The following TCERG1L variants were observed in gnomAD, a reference collection of about 807,000 sequenced individuals.
TCERG1L encodes the protein transcription elongation regulator 1-like protein.
Under a neutral mutation model 56.3 loss-of-function variants are expected in TCERG1L, and 37 were observed. That is an observed-to-expected ratio of 0.66 (90% confidence interval 0.51 to 0.87). The LOEUF (loss-of-function observed/expected upper bound fraction) is 0.87, where lower values mean the gene tolerates loss of function less well. Among genes scored for constraint, TCERG1L ranks in the 40% least tolerant of loss-of-function variants. The pLI, the probability that TCERG1L is intolerant of heterozygous loss-of-function variation, is 0.00. For missense variants in TCERG1L, 799 were observed against 774.2 expected (o/e 1.03, Z -0.38); for synonymous variants, 324 against 326.3 (o/e 0.99, Z 0.08).
At chr10:131,246,079 C>A (rs1050279830) in intron 4 of TCERG1L, among the ~76,000 whole-genome samples, 1 of 152,188 alleles carries the variant, frequency 6.6e-6, no homozygotes, top group East Asian at 1.9e-4. Context: ...TTCACGAGAG[C>A]CACAGCCTTG....
chr10:131,258,744 C>G (rs188445495), intron 4 of TCERG1L, among the ~76,000 whole-genome samples: 1 of 152,108 alleles, frequency 6.6e-6, no homozygotes, highest in Admixed American at 6.5e-5. Flanking sequence ...TAACTGAACA[C>G]GCATTATTGC....
At chr10:131,128,686 GGTGA>G (rs1239317554) in intron 8 of TCERG1L, among the ~76,000 whole-genome samples, 18 of 152,096 alleles carry the variant, frequency 1.2e-4, no homozygotes, top group African/African-American at 4.1e-4. Flanking sequence ...AGTTTATGAG[GGTGA>G]GTTTCTCTTT....
chr10:131,257,327 G>T (rs1466150162), intron 4 of TCERG1L, among the ~76,000 whole-genome samples: 2 of 152,164 alleles, frequency 1.3e-5, no homozygotes, highest in Non-Finnish European at 2.9e-5. Context: ...CAGCCTTCCC[G>T]CCCGTGCTGA....
At position 131,112,803 on chromosome 10, in the gene TCERG1L, G is replaced by A. The variant is rs777884657; in HGVS notation, c.1395+3996C>T. Among the ~76,000 whole-genome samples the A allele has an allele frequency of 7.7e-5, 11 of 142,728 alleles. 1 individual carries two copies. Among genetic ancestry groups the A allele is most frequent in the Non-Finnish European group, 1.7e-4 (11 of 63,384 alleles). The allele number at this position is 142,728 out of a possible 152,430, so 93.6% of individuals were successfully genotyped here. A position where few individuals can be genotyped will look rare whatever the true frequency, so the allele number is the denominator to read the frequency against. On this transcript the variant is annotated intron_variant, in intron 9 of 11. Coordinates refer to ENST00000368642, the MANE Select transcript of TCERG1L (RefSeq NM_174937.4). ...AGGAGACGAGCTAGTAATGGAGGGT[G>A]GGCCGTGGGGTGAGGAAGGTGCCCA...
At chr10:131,130,442 C>T (rs1008796540) in intron 8 of TCERG1L, among the ~76,000 whole-genome samples, 5 of 152,198 alleles carry the variant, frequency 3.3e-5, no homozygotes, top group African/African-American at 1.2e-4. Flanking sequence ...AGGAAAATCA[C>T]GTCACCTGTG....
intron 4 of TCERG1L, among the ~76,000 whole-genome samples, chr10:131,242,929 G>C (rs1214952118): frequency 6.6e-6 from 1 of 152,186 alleles, no homozygotes; most frequent in Non-Finnish European, 1.5e-5. Flanking sequence ...TTAACTGACA[G>C]AAGTTAGGAC....
At chr10:131,247,382 C>T (rs1846051334) in intron 4 of TCERG1L, among the ~76,000 whole-genome samples, 1 of 152,212 alleles carries the variant, frequency 6.6e-6, no homozygotes, top group Non-Finnish European at 1.5e-5. Context: ...TTCTGAAACA[C>T]GCATATGTAG....
At chr10:131,187,305 T>C (rs1387218328) in intron 4 of TCERG1L, among the ~76,000 whole-genome samples, 2 of 152,190 alleles carry the variant, frequency 1.3e-5, no homozygotes, top group African/African-American at 4.8e-5. Flanking sequence ...TGGTATTCGA[T>C]AGAGCTGTGC....
intron 4 of TCERG1L, among the ~76,000 whole-genome samples, chr10:131,239,303 AAC>A (rs1373817947): frequency 1.2e-4 from 19 of 152,228 alleles, no homozygotes; most frequent in African/African-American, 4.6e-4. Flanking sequence ...ACCAAAGATA[AAC>A]AGATAGAAAA....
chr10:131,195,435 G>A (rs973883603), intron 4 of TCERG1L, among the ~76,000 whole-genome samples: 2 of 152,218 alleles, frequency 1.3e-5, no homozygotes, highest in African/African-American at 4.8e-5. Context: ...CAAAAAGGAG[G>A]AAATCTCCGC....
chr10:131,163,323 GC>G, intron 5 of TCERG1L, 113 bp from the exon 6 acceptor site: 1 of 836,648 alleles, frequency 1.2e-6, no homozygotes, highest in Non-Finnish European at 1.8e-6. Flanking sequence ...GCTTATAGTA[GC>G]CACGAGATAA....
chr10:131,137,656 A>T (rs1845690921), intron 7 of TCERG1L, among the ~76,000 whole-genome samples: 2 of 152,240 alleles, frequency 1.3e-5, no homozygotes, highest in Non-Finnish European at 2.9e-5. Flanking sequence ...AGGTCATGCA[A>T]TTACACACAT....
At chr10:131,195,353 T>G (rs1845347648) in intron 4 of TCERG1L, among the ~76,000 whole-genome samples, 1 of 152,200 alleles carries the variant, frequency 6.6e-6, no homozygotes, top group Non-Finnish European at 1.5e-5. Flanking sequence ...AGGCCTCGCT[T>G]ACTTGGTTTC....
At chr10:131,210,395 C>A (rs979284520) in intron 4 of TCERG1L, among the ~76,000 whole-genome samples, 2 of 152,240 alleles carry the variant, frequency 1.3e-5, no homozygotes, top group Non-Finnish European at 2.9e-5. Context: ...ACTTGCCTCA[C>A]TTTTGTCCCT....
chr10:131,099,849 T>C (rs911662945), intron 10 of TCERG1L, among the ~76,000 whole-genome samples: 6 of 152,266 alleles, frequency 3.9e-5, no homozygotes, highest in South Asian at 2.1e-4. Flanking sequence ...AAGAATATGA[T>C]TGGCTTCTTT....
rs1022713081 is a variant in TCERG1L at position 131,310,854 on chromosome 10, TCTGAAACAG to T, written c.342+431_342+439del. ...GGGAAAAACCCAAACCAGATTAGAA[TCTGAAACAG>T]CTGAAACAGCTATCGATTTCCAGCT... On this transcript the variant is annotated intron_variant, in intron 1 of 11. Transcript: ENST00000368642. Among the ~76,000 whole-genome samples, 12 of 152,336 alleles carry T rather than the reference TCTGAAACAG, an allele frequency of 7.9e-5. No homozygotes were observed. The East Asian group carries it at 9.7e-4, about 12-fold the overall frequency.
intron 4 of TCERG1L, among the ~76,000 whole-genome samples, chr10:131,226,823 A>G (rs1845795073): frequency 1.3e-5 from 2 of 152,282 alleles, no homozygotes; most frequent in South Asian, 4.1e-4. Flanking sequence ...CGGACAGATA[A>G]AGTGCTGTAT....
intron 4 of TCERG1L, among the ~76,000 whole-genome samples, chr10:131,227,552 T>TCAGATCC (rs1245122976): frequency 1.3e-5 from 2 of 152,132 alleles, no homozygotes; most frequent in African/African-American, 4.8e-5. Flanking sequence ...AATGTCCCAC[T>TCAGATCC]CAGATCCCGG....
At chr10:131,182,868 TA>T (rs1190094558) in intron 4 of TCERG1L, among the ~76,000 whole-genome samples, 4 of 152,238 alleles carry the variant, frequency 2.6e-5, no homozygotes, top group African/African-American at 9.6e-5. Flanking sequence ...TCTTTATTTC[TA>T]AAGGAAAGTT....
Sources: allele counts gnomAD v4.1 joint callset (sites outside exome capture counted in the v4.1 genomes callset), GRCh38; gene constraint gnomAD v4.1.1; transcripts MANE v1.5; gene names NCBI Gene and HGNC (gene_info 2026-07-23, HGNC 2026-07-21).